ADAM32: variants seen among roughly 807,000 people sequenced by gnomAD.
ADAM32 encodes ADAM metallopeptidase domain 32.
A neutral mutation model predicts 114.9 loss-of-function variants in ADAM32; 89 were observed. The ratio of observed to expected loss-of-function variants is 0.77; its 90% CI spans 0.65 to 0.92. The LOEUF (loss-of-function observed/expected upper bound fraction) is 0.92, where lower values mean the gene tolerates loss of function less well. ADAM32 is among the 40% of genes least tolerant of loss of function. The pLI, the probability that ADAM32 is intolerant of heterozygous loss-of-function variation, is 0.00. For missense variants in ADAM32, 870 were observed against 932.8 expected (o/e 0.93, Z 0.88); for synonymous variants, 285 against 307.5 (o/e 0.93, Z 0.77).
chr8:39,196,650 A>G (rs1807020097), intron 11 of ADAM32, among the ~76,000 whole-genome samples: 1 of 152,136 alleles, frequency 6.6e-6, no homozygotes. Context: ...TAATTCATAT[A>G]TGTTAAACCA....
At chr8:39,124,162 C>G (rs1189579393) in intron 2 of ADAM32, among the ~76,000 whole-genome samples, 3 of 152,064 alleles carry the variant, frequency 2.0e-5, no homozygotes, top group Non-Finnish European at 4.4e-5. Flanking sequence ...AGCTATACTT[C>G]CTAATGCTCT....
chr8:39,227,194 G>T (rs1809437446), intron 14 of ADAM32, among the ~76,000 whole-genome samples: 2 of 152,208 alleles, frequency 1.3e-5, no homozygotes, highest in South Asian at 4.1e-4. Flanking sequence ...TGCCCCAACT[G>T]TGGAAGTGGG....
At chr8:39,113,970 TTCAACAAA>T (rs888403939) in intron 1 of ADAM32, among the ~76,000 whole-genome samples, 2 of 150,026 alleles carry the variant, frequency 1.3e-5, no homozygotes, top group Non-Finnish European at 3.0e-5. Context: ...GTTGATTTTT[TTCAACAAA>T]TCAACACATT....
chr8:39,165,488 C>T (rs370326768), intron 9 of ADAM32: 4 of 210,312 alleles, frequency 1.9e-5, no homozygotes, highest in Non-Finnish European at 3.7e-5. Flanking sequence ...ACCCACAGTT[C>T]GTAACTCTAG....
rs1452549702 is a variant in ADAM32 at position 39,107,848 on chromosome 8, A to T, written c.58+15A>T. The T allele has an allele frequency of 1.3e-6, 2 of 1,532,258 alleles. No individual in the cohort carries two copies. The highest frequency in any genetic ancestry group is 5.0e-5 in the East Asian group (2 of 39,734). The allele number at this position is 1,532,258 out of a possible 1,614,324, so 94.9% of individuals were successfully genotyped here. A position where few individuals can be genotyped will look rare whatever the true frequency, so the allele number is the denominator to read the frequency against. On this transcript the variant is annotated intron_variant, in intron 1 of 24. Coordinates refer to ENST00000379907, the MANE Select transcript of ADAM32 (RefSeq NM_145004.7). ...GTCAAGACCCGGTGAGCCAGCCCAGACCCTGACACTAGTCCGGGCGCTCGT... is the reference window on the plus strand; with the variant it reads ...GTCAAGACCCGGTGAGCCAGCCCAGTCCCTGACACTAGTCCGGGCGCTCGT...
chr8:39,239,028 C>T (rs963202593), intron 16 of ADAM32, among the ~76,000 whole-genome samples: 4 of 152,098 alleles, frequency 2.6e-5, no homozygotes, highest in African/African-American at 9.7e-5. Flanking sequence ...CTTCCCTGGC[C>T]TTGCTAGAGA....
At chr8:39,155,881 T>C (rs1804115649) in intron 6 of ADAM32, among the ~76,000 whole-genome samples, 1 of 152,212 alleles carries the variant, frequency 6.6e-6, no homozygotes, top group Non-Finnish European at 1.5e-5. Context: ...GATATTACAA[T>C]AACATCTTAA....
chr8:39,273,665 G>A (rs918553509), intron 20 of ADAM32, among the ~76,000 whole-genome samples: 6 of 152,310 alleles, frequency 3.9e-5, no homozygotes, highest in Non-Finnish European at 8.8e-5. Flanking sequence ...CAGCACTGTA[G>A]GTTTAGATGC....
intron 2 of ADAM32, among the ~76,000 whole-genome samples, chr8:39,119,242 G>T (rs1588466913): frequency 6.6e-6 from 1 of 152,154 alleles, no homozygotes; most frequent in Non-Finnish European, 1.5e-5. Flanking sequence ...GAGTGAAATT[G>T]CTGGGCACAT....
chr8:39,109,187 C>T (rs541860746), intron 1 of ADAM32, among the ~76,000 whole-genome samples: 67 of 152,200 alleles, frequency 4.4e-4, no homozygotes, highest in African/African-American at 1.5e-3. Flanking sequence ...GGATTTATAT[C>T]GATGTTTAAC....
intron 18 of ADAM32, 49 bp from the exon 19 acceptor site, chr8:39,257,138 T>C (rs1811696215): frequency 6.8e-7 from 1 of 1,467,790 alleles, no homozygotes; most frequent in African/African-American, 1.4e-5. Context: ...AAAGTAAAAG[T>C]AGATAGTTTA....
chr8:39,163,006 C>T (rs1299180555), intron 7 of ADAM32, among the ~76,000 whole-genome samples: 1 of 152,100 alleles, frequency 6.6e-6, no homozygotes, highest in Non-Finnish European at 1.5e-5. Flanking sequence ...ATCTCAAAAA[C>T]AAAGAAACAA....
chr8:39,120,410 C>T lies in ADAM32; in HGVS notation c.138+2245C>T, dbSNP rs145552206. ...GACTTATAGAGAAAGCTTTTATCGTCTTAGGGAATATACATATCATTATGA... is the reference window on the plus strand; with the variant it reads ...GACTTATAGAGAAAGCTTTTATCGTTTTAGGGAATATACATATCATTATGA... On this transcript the variant is annotated intron_variant, in intron 2 of 24. Coordinates refer to ENST00000379907, the MANE Select transcript of ADAM32 (RefSeq NM_145004.7). Among the ~76,000 whole-genome samples the T allele has an allele frequency of 3.7e-3, 558 of 152,204 alleles. 2 individuals carry two copies. Among genetic ancestry groups the T allele is most frequent in the African/African-American group, 0.013 (539 of 41,522 alleles).
intron 16 of ADAM32, among the ~76,000 whole-genome samples, chr8:39,244,121 C>T (rs181421532): frequency 3.7e-4 from 56 of 152,186 alleles, no homozygotes; most frequent in Middle Eastern, 6.8e-3. Context: ...TTATAGATGA[C>T]ACAAACAAAT....
intron 16 of ADAM32, among the ~76,000 whole-genome samples, chr8:39,235,818 C>T (rs922531696): frequency 3.3e-5 from 5 of 152,020 alleles, no homozygotes; most frequent in Admixed American, 6.6e-5. Flanking sequence ...CAAGGACCAG[C>T]GAGAAGACTC....
intron 22 of ADAM32, among the ~76,000 whole-genome samples, chr8:39,277,888 C>G (rs6989819): frequency 6.6e-6 from 1 of 152,086 alleles, no homozygotes; most frequent in African/African-American, 2.4e-5. Context: ...CTCAGTAGGC[C>G]CTCTGCCTTT....
chr8:39,149,992 C>A, intron 5 of ADAM32, 125 bp downstream of exon 5: 1 of 579,372 alleles, frequency 1.7e-6, no homozygotes, highest in Non-Finnish European at 2.9e-6. Flanking sequence ...TAATGATATC[C>A]CCCTCTGAAC....
intron 16 of ADAM32, among the ~76,000 whole-genome samples, chr8:39,236,511 G>A (rs1810155317): frequency 6.6e-6 from 1 of 151,928 alleles, no homozygotes; most frequent in Non-Finnish European, 1.5e-5. Context: ...ACATTTTAGT[G>A]CCATTTTAGG....
rs1445851968 is a variant in ADAM32 at position 39,246,146 on chromosome 8, C to T, written c.1882C>T (p.Gln628Ter). ...IIKASAHVCS[Q>*]QCSGHGVCDS... is the part of the protein sequence containing the mutation. ...TAAGGCTTCAGCACATGTTTGTTCA[C>T]AACAGTGTTCTGGACATGGAGTAAG... Residue 628 changes from glutamine (Q) to a stop codon, truncating the protein, a stop_gained, in exon 17 of 25, where the codon CAA becomes TAA. Coordinates refer to ENST00000379907, the MANE Select transcript of ADAM32 (RefSeq NM_145004.7). LOFTEE classifies it high-confidence loss of function. The T allele has an allele frequency of 1.2e-6, 2 of 1,613,206 alleles. No homozygotes were observed. The highest frequency in any genetic ancestry group is 1.7e-6 in the Non-Finnish European group (2 of 1,179,484).
Sources: allele counts gnomAD v4.1 joint callset (sites outside exome capture counted in the v4.1 genomes callset), GRCh38; gene constraint gnomAD v4.1.1; transcripts MANE v1.5; gene names NCBI Gene and HGNC (gene_info 2026-07-23, HGNC 2026-07-21).